ZMYM6: variants seen among roughly 807,000 people sequenced by gnomAD.
The protein encoded by ZMYM6 is zinc finger MYM-type containing 6, also known as zinc finger MYM-type protein 6.
A neutral mutation model predicts 134.0 loss-of-function variants in ZMYM6; 90 were observed. The ratio of observed to expected loss-of-function variants is 0.67; its 90% CI spans 0.57 to 0.80. The LOEUF is 0.80. ZMYM6 is among the 30% of genes least tolerant of loss of function. The pLI, the probability that ZMYM6 is intolerant of heterozygous loss-of-function variation, is 0.00. For missense variants in ZMYM6, 1,362 were observed against 1,533.9 expected (o/e 0.89, Z 1.87); for synonymous variants, 481 against 524.1 (o/e 0.92, Z 1.12).
chr1:35,018,485 ATATATTTAT>A (rs1641245895), intron 4 of ZMYM6: 1 of 151,708 alleles, frequency 6.6e-6, no homozygotes, highest in Non-Finnish European at 1.5e-5. Flanking sequence ...TTATATACAC[ATATATTTAT>A]TATATTTATT....
At chr1:35,011,770 A>T in intron 8 of ZMYM6, 120 bp downstream of exon 8, 1 of 665,662 alleles carries the variant, frequency 1.5e-6, no homozygotes, top group Non-Finnish European at 2.2e-6. Context: ...GATGAAACAA[A>T]TTTTTTTCTT....
Position 35,005,222 on chromosome 1 carries a change from T to C in ZMYM6, c.1864A>G (p.Thr622Ala), listed in dbSNP as rs975828363. 9 of 1,614,164 alleles carry C rather than the reference T, an allele frequency of 5.6e-6. No individual in the cohort carries two copies. Among genetic ancestry groups the C allele is most frequent in the Non-Finnish European group, 8.5e-7 (1 of 1,180,000 alleles). Reference protein sequence around the residue: ...TAVTELPSARTDTTPVITSVM... With the variant: ...TAVTELPSARADTTPVITSVM... ...CTGGTTATAACTGGTGTTGTATCTG[T>C]CCTTGCAGAAGGGAGCTCCGTCACA... The change falls in exon 13 of 16, where the codon ACA becomes GCA. Residue 622 changes from threonine to alanine, a missense_variant. This residue lies in a region of ZMYM6 where 824 missense variants were observed against 940.9 expected (regional missense o/e 0.88). Coordinates refer to ENST00000357182, the MANE Select transcript of ZMYM6 (RefSeq NM_007167.4).
rs1282910434 is a variant in ZMYM6 at position 35,012,411 on chromosome 1, T to G, written c.946+20A>C. On this transcript the variant is annotated intron_variant, in intron 7 of 15. Coordinates refer to ENST00000357182, the MANE Select transcript of ZMYM6 (RefSeq NM_007167.4). Reference sequence around the variant, plus strand: ...TTCAATAGTTATTAAATCTATAAATTTATCAAATTTAAACATTACCTGAAG... The same window carrying G: ...TTCAATAGTTATTAAATCTATAAATGTATCAAATTTAAACATTACCTGAAG... The G allele has an allele frequency of 2.0e-6, 3 of 1,466,586 alleles. No homozygotes were observed. The highest frequency in any genetic ancestry group is 2.9e-5 in the African/African-American group (2 of 68,370). The allele number at this position is 1,466,586 out of a possible 1,614,324, so 90.8% of individuals were successfully genotyped here. A position where few individuals can be genotyped will look rare whatever the true frequency, so the allele number is the denominator to read the frequency against.
At chr1:34,994,325 G>C (rs951089663) in intron 14 of ZMYM6, among the ~76,000 whole-genome samples, 1 of 152,200 alleles carries the variant, frequency 6.6e-6, no homozygotes, top group African/African-American at 2.4e-5. Context: ...TGGCATGGAG[G>C]AGGGGCAATT....
intron 10 of ZMYM6, 83 bp from the exon 11 acceptor site, chr1:35,009,007 T>C: frequency 1.3e-5 from 18 of 1,421,186 alleles, no homozygotes; most frequent in Non-Finnish European, 1.4e-5. Flanking sequence ...GTCTTAGATA[T>C]GAAACTTTAA....
chr1:35,030,407 C>A, intron 2 of ZMYM6, 140 bp downstream of exon 2: 1 of 742,612 alleles, frequency 1.3e-6, no homozygotes, highest in South Asian at 1.9e-5. Context: ...TGCACTACAC[C>A]CTCAGCGACA....
chr1:35,014,805 G>A lies in ZMYM6; in HGVS notation c.687C>T (p.Asn229=). The change falls in exon 6 of 16, where the codon AAC becomes AAT. Residue 229 remains asparagine, a synonymous_variant. Transcript: ENST00000357182. Reference sequence around the variant, plus strand: ...AGTTCTCACAACAGTTCATGGTGAGGTTGTTTGTAGAGTGAAATTTTGAAA... The same window carrying A: ...AGTTCTCACAACAGTTCATGGTGAGATTGTTTGTAGAGTGAAATTTTGAAA... ...ACFSKFHSTN[N]LTMNCCENCG... 1 of 1,614,156 alleles carries A rather than the reference G, an allele frequency of 6.2e-7. No individual in the cohort carries two copies.
Position 34,987,040 on chromosome 1 carries a change from T to TAAA in ZMYM6, c.*63_*64insTTT. 8.6e-7 allele frequency: 1 copy of TAAA among 1,156,924 alleles called. No homozygotes were observed. The highest frequency in any genetic ancestry group is 2.8e-5 in the South Asian group (1 of 35,762). 71.7% of individuals were successfully genotyped at this position (1,156,924 alleles called of 1,614,324 possible). ...AAATCCACATTAGGAAATTATCTTT[T>TAAA]AGGATACTTATACAAAACTTAACAC... On this transcript the variant is annotated 3_prime_UTR_variant, in exon 16 of 16. Coordinates refer to ENST00000357182, the MANE Select transcript of ZMYM6 (RefSeq NM_007167.4).
intron 14 of ZMYM6, among the ~76,000 whole-genome samples, chr1:35,000,430 G>T (rs553853745): frequency 6.6e-5 from 10 of 151,654 alleles, no homozygotes; most frequent in Non-Finnish European, 1.3e-4. Flanking sequence ...GTAGAGATGG[G>T]GTTTTGCCAT....
At chr1:35,027,168 G>A (rs928107957) in intron 2 of ZMYM6, among the ~76,000 whole-genome samples, 5 of 152,194 alleles carry the variant, frequency 3.3e-5, no homozygotes, top group African/African-American at 1.2e-4. Context: ...CCGAGTTTTA[G>A]AAGATAGTTT....
rs1486965864 is a variant in ZMYM6, at chr1:34,992,279, C to T, written c.2101G>A (p.Ala701Thr). Residue 701 changes from alanine to threonine, a missense_variant, in exon 15 of 16, where the codon GCC becomes ACC. Physicochemically the swap from Ala to Thr is moderately conservative, Grantham distance 58 (BLOSUM62 0). Around this residue, in one of 3 missense-constraint regions of ZMYM6, gnomAD observed 824 missense variants for 940.9 expected, o/e 0.88. Coordinates refer to ENST00000357182, the MANE Select transcript of ZMYM6 (RefSeq NM_007167.4). Reference protein sequence around the residue: ...ISCKPVTQTKATSCKPHTQHK... With the variant: ...ISCKPVTQTKTTSCKPHTQHK... ...TGTGTATGTGGTTTGCAAGAAGTGGCCTTGGTCTGTGTGACGGGTTTGCAT... is the reference window on the plus strand; with the variant it reads ...TGTGTATGTGGTTTGCAAGAAGTGGTCTTGGTCTGTGTGACGGGTTTGCAT... 4 of 1,614,062 alleles carry T rather than the reference C, an allele frequency of 2.5e-6. No individual in the cohort carries two copies. Among genetic ancestry groups the T allele is most frequent in the Non-Finnish European group, 3.4e-6 (4 of 1,179,974 alleles).
At chr1:34,997,584 C>T (rs1028268459) in intron 14 of ZMYM6, among the ~76,000 whole-genome samples, 1 of 152,142 alleles carries the variant, frequency 6.6e-6, no homozygotes, top group African/African-American at 2.4e-5. Flanking sequence ...GGATTACAGG[C>T]ATGAGCCACC....
At chr1:35,009,148 G>A (rs2148452099) in intron 10 of ZMYM6, among the ~76,000 whole-genome samples, 2 of 152,040 alleles carry the variant, frequency 1.3e-5, no homozygotes, top group East Asian at 1.9e-4. Flanking sequence ...GCCCAGGCTG[G>A]AGTGCAGTGG....
chr1:35,003,180 CAAAAAAAAAAA>C (rs202093628), intron 14 of ZMYM6, among the ~76,000 whole-genome samples: 33 of 63,072 alleles, frequency 5.2e-4, no homozygotes, highest in African/African-American at 1.4e-3. Flanking sequence ...GACCCTGTCT[CAAAAAAAAAAA>C]AAAAAAAAAA....
At chr1:35,025,775 GAGTCCAAATCCTGACTCAACCATTT>G (rs1331835958) in intron 2 of ZMYM6, among the ~76,000 whole-genome samples, 1 of 152,106 alleles carries the variant, frequency 6.6e-6, no homozygotes, top group Non-Finnish European at 1.5e-5. Context: ...CAGACTGCTG[GAGTCCAAATCCTGACTCAACCATTT>G]ATTAATTATG....
chr1:35,015,743 A>AAAAAAAATATAT, intron 4 of ZMYM6, among the ~76,000 whole-genome samples: 18 of 106,454 alleles, frequency 1.7e-4, no homozygotes, highest in African/African-American at 1.1e-3. Flanking sequence ...AAAAAAAAAA[A>AAAAAAAATATAT]ATATATATAT....
At chr1:35,007,416 C>G (rs1641003915) in intron 11 of ZMYM6, among the ~76,000 whole-genome samples, 1 of 151,850 alleles carries the variant, frequency 6.6e-6, no homozygotes, top group Admixed American at 6.6e-5. Flanking sequence ...TGGTGAAACC[C>G]CGTATCTACT....
chr1:35,015,035 T>C lies in ZMYM6; in HGVS notation c.556A>G (p.Thr186Ala). The C allele has an allele frequency of 6.2e-7, 1 of 1,613,580 alleles. No individual in the cohort carries two copies. The highest frequency in any genetic ancestry group is 1.1e-5 in the South Asian group (1 of 90,982). ...CTGCACTTAGTTGAAATGCTTTTGGTATATATGGTAACAACAGGTTTTTTC... is the reference window on the plus strand; with the variant it reads ...CTGCACTTAGTTGAAATGCTTTTGGCATATATGGTAACAACAGGTTTTTTC... ...LKKKPVVTIY[T>A]KSISTKCSMC... Residue 186 changes from threonine to alanine, a missense_variant, in exon 5 of 16, where the codon ACC becomes GCC. Coordinates refer to ENST00000357182, the MANE Select transcript of ZMYM6 (RefSeq NM_007167.4).
Position 35,019,239 on chromosome 1 carries a change from T to C in ZMYM6, c.428+114A>G. 3 of 1,449,558 alleles carry C rather than the reference T, an allele frequency of 2.1e-6. No individual in the cohort carries two copies. The East Asian group carries it at 7.0e-5, about 34-fold the overall frequency. The allele number at this position is 1,449,558 out of a possible 1,614,324, so 89.8% of individuals were successfully genotyped here. A position where few individuals can be genotyped will look rare whatever the true frequency, so the allele number is the denominator to read the frequency against. The stretch of plus-strand genomic sequence containing the variant: ...GTGAATTCTTCCATTAACTAAAAAG[T>C]TATTTCTACAGATACATGCTGAAGA... On this transcript the variant is annotated intron_variant, in intron 4 of 15. Transcript: ENST00000357182.
Sources: gnomAD v4.1 joint callset for allele counts (sites outside exome capture counted in the v4.1 genomes callset) on GRCh38, gnomAD v4.1.1 for gene constraint, gnomAD v4.1.1 regional missense constraint, MANE v1.5 for transcripts, NCBI Gene and HGNC (gene_info 2026-07-23, HGNC 2026-07-21) for gene names.